SLC75A1: variants seen among roughly 807,000 people sequenced by gnomAD.
SLC75A1 encodes the protein major facilitator superfamily domain containing 10.
the SLC75A1 span, chr4:2,932,826 T>C: frequency 1.3e-6 from 2 of 1,508,370 alleles, no homozygotes; most frequent in South Asian, 1.3e-5. Flanking sequence ...AGAGTAGGGC[T>C]TGGCAACCCA....
chr4:2,931,258 C>A, the SLC75A1 span: 3 of 1,561,908 alleles, frequency 1.9e-6, no homozygotes, highest in Non-Finnish European at 2.6e-6. Flanking sequence ...ACAGGCAGGG[C>A]ACCACAACGG....
chr4:2,933,842 C>A, the SLC75A1 span: 2 of 1,589,698 alleles, frequency 1.3e-6, no homozygotes, highest in Admixed American at 3.6e-5. Context: ...CCGAGAAAGA[C>A]AACGGTGACC....
At chr4:2,930,906 G>T in the SLC75A1 span, 2 of 1,613,078 alleles carry the variant, frequency 1.2e-6, no homozygotes, top group Non-Finnish European at 1.7e-6. Flanking sequence ...AGCAAAAAGA[G>T]CCCGGACCAC....
chr4:2,932,783 G>C, the SLC75A1 span: 2 of 1,535,826 alleles, frequency 1.3e-6, no homozygotes, highest in Non-Finnish European at 8.7e-7. Flanking sequence ...GGGCCAAGAG[G>C]CAGGGGCGGT....
chr4:2,933,723 G>A, the SLC75A1 span: 28 of 1,606,844 alleles, frequency 1.7e-5, no homozygotes, highest in Admixed American at 5.1e-5. Flanking sequence ...GGGGGCAGGG[G>A]GCACTGTGGG....
the SLC75A1 span, chr4:2,930,724 C>A: frequency 6.4e-6 from 8 of 1,241,158 alleles, no homozygotes; most frequent in Non-Finnish European, 8.9e-6. Context: ...AGGGGCCGGC[C>A]CCCACCCACA....
the SLC75A1 span, chr4:2,933,271 CT>C: frequency 2.0e-6 from 3 of 1,496,468 alleles, no homozygotes; most frequent in South Asian, 1.2e-5. Context: ...TCTTGGGGCC[CT>C]CAAGGCCAAT....
At chr4:2,933,791 G>A in the SLC75A1 span, 5 of 1,593,992 alleles carry the variant, frequency 3.1e-6, no homozygotes, top group Non-Finnish European at 4.3e-6. Context: ...CCGGGCAGCA[G>A]GGGCAGCAGC....
chr4:2,931,813 A>C, the SLC75A1 span: 1 of 1,588,408 alleles, frequency 6.3e-7, no homozygotes. Context: ...CCGTCGCCAG[A>C]TGGGGACCCA....
the SLC75A1 span, chr4:2,932,109 G>A: frequency 1.9e-6 from 3 of 1,610,422 alleles, no homozygotes; most frequent in African/African-American, 1.3e-5. Context: ...CCAGGGGGCT[G>A]AGCAGATCAG....
At chr4:2,933,441 C>T in the SLC75A1 span, 1 of 1,087,782 alleles carries the variant, frequency 9.2e-7, no homozygotes, top group South Asian at 1.4e-5. Flanking sequence ...TGGGCAAGGG[C>T]ACCAGACATG....
At chr4:2,933,555 A>G in the SLC75A1 span, 4 of 1,613,586 alleles carry the variant, frequency 2.5e-6, no homozygotes, top group South Asian at 3.3e-5. Flanking sequence ...AAGGGCACAG[A>G]GCCAGCCATA....
At chr4:2,930,854 G>T in the SLC75A1 span, 2 of 1,612,964 alleles carry the variant, frequency 1.2e-6, no homozygotes, top group East Asian at 2.2e-5. Context: ...AGCCTTGAGC[G>T]TCTGTGCCGG....
the SLC75A1 span, chr4:2,931,725 C>T: frequency 3.3e-5 from 51 of 1,557,266 alleles, 1 homozygote; most frequent in East Asian, 1.6e-4. Context: ...AGGGCCAGGG[C>T]GAGAGTGGCT....
chr4:2,931,492 A>G, the SLC75A1 span: 1 of 1,586,686 alleles, frequency 6.3e-7, no homozygotes, highest in Non-Finnish European at 8.6e-7. Flanking sequence ...CAGCCTCAGC[A>G]CAGCCCGTGC....
chr4:2,931,999 GC>G, the SLC75A1 span: 1 of 1,603,940 alleles, frequency 6.2e-7, no homozygotes. Context: ...GCCCGGGGAA[GC>G]CCAGGGGAGA....
At chr4:2,932,370 G>C in the SLC75A1 span, 1 of 1,613,376 alleles carries the variant, frequency 6.2e-7, no homozygotes, top group Non-Finnish European at 8.5e-7. Context: ...CAGGGGCAGC[G>C]TCTCTGGCAG....
chr4:2,932,636 A>G, the SLC75A1 span: 1 of 1,613,216 alleles, frequency 6.2e-7, no homozygotes, highest in Non-Finnish European at 8.5e-7. Flanking sequence ...AGCCCAGGTC[A>G]GCAACGATGG....
chr4:2,932,098 G>A, the SLC75A1 span: 2 of 1,610,930 alleles, frequency 1.2e-6, no homozygotes, highest in South Asian at 2.2e-5. Context: ...GCGCAGCAGG[G>A]CCAGGGGGCT....
Sources: allele counts gnomAD v4.1 joint callset, GRCh38; gene constraint gnomAD v4.1.1; transcripts MANE v1.5; gene names NCBI Gene and HGNC (gene_info 2026-07-23, HGNC 2026-07-21).